The following DEPDC7 variants were observed in gnomAD, a reference collection of about 807,000 sequenced individuals.
The protein encoded by DEPDC7 is DEP domain containing 7.
In DEPDC7, 41 loss-of-function variants were observed where a neutral mutation model predicts 56.6. That is an observed-to-expected ratio of 0.72 (90% CI 0.56 to 0.94). DEPDC7 has a LOEUF of 0.94. Among genes scored for constraint, DEPDC7 ranks in the 40% least tolerant of loss-of-function variants. The pLI is 0.00. For missense variants in DEPDC7, 522 were observed against 596.3 expected (o/e 0.88, Z 1.30); for synonymous variants, 185 against 208.8 (o/e 0.89, Z 0.98).
intron 2 of DEPDC7, chr11:33,026,817 T>C (rs1362752299): frequency 4.0e-5 from 6 of 149,914 alleles, no homozygotes; most frequent in Admixed American, 4.0e-4. Flanking sequence ...GGAGACGGAA[T>C]CCCATTATGG....
At chr11:33,016,607 A>G (rs1279400638) in intron 1 of DEPDC7, 1 of 1,611,216 alleles carries the variant, frequency 6.2e-7, no homozygotes, top group African/African-American at 1.3e-5. Flanking sequence ...CACTTTATGT[A>G]TAAGCAGTAT....
At chr11:33,031,675 T>A in intron 5 of DEPDC7, 86 bp downstream of exon 5, 1 of 1,034,244 alleles carries the variant, frequency 9.7e-7, no homozygotes, top group Non-Finnish European at 1.5e-6. Flanking sequence ...AGAATAGTAC[T>A]ACTACAAGCT....
At chr11:33,027,168 A>G (rs556890942) in intron 2 of DEPDC7, among the ~76,000 whole-genome samples, 1 of 152,314 alleles carries the variant, frequency 6.6e-6, no homozygotes, top group Admixed American at 6.5e-5. Flanking sequence ...GCATCTGGTA[A>G]TCAAGCATAA....
Position 33,033,532 on chromosome 11 carries a change from C to G in DEPDC7, c.*77C>G. 9.1e-7 allele frequency: 1 copy of G among 1,102,728 alleles called. No homozygotes were observed. Among genetic ancestry groups the G allele is most frequent in the Non-Finnish European group, 1.3e-6 (1 of 790,878 alleles). The allele number at this position is 1,102,728 out of a possible 1,614,324, so 68.3% of individuals were successfully genotyped here. ...CTAAATATCCAATCACATTTGTAAG[C>G]GTGGAAGCTCTAAATTTGAAACTGT... On this transcript the variant is annotated 3_prime_UTR_variant, in exon 9 of 9. Coordinates refer to ENST00000241051, the MANE Select transcript of DEPDC7 (RefSeq NM_001077242.2).
At chr11:33,016,104 G>A (rs1344231012) in intron 1 of DEPDC7, 76 bp downstream of exon 1, 21 of 1,261,236 alleles carry the variant, frequency 1.7e-5, no homozygotes, top group Non-Finnish European at 2.0e-5. Flanking sequence ...GCGCGGGGCG[G>A]GCGGCGTGGG....
intron 1 of DEPDC7, among the ~76,000 whole-genome samples, chr11:33,020,334 G>T: frequency 6.6e-6 from 1 of 152,072 alleles, no homozygotes; most frequent in Non-Finnish European, 1.5e-5. Context: ...GTTTTTTATG[G>T]TAGAGTTCAA....
chr11:33,028,325 T>C, intron 3 of DEPDC7: 2 of 298,290 alleles, frequency 6.7e-6, no homozygotes, highest in Non-Finnish European at 1.2e-5. Flanking sequence ...TCCAGAGTCC[T>C]TATTAACATG....
chr11:33,032,671 G>A lies in DEPDC7; in HGVS notation c.1141G>A (p.Asp381Asn). 1 of 1,572,396 alleles carries A rather than the reference G, an allele frequency of 6.4e-7. No homozygotes were observed. Among genetic ancestry groups the A allele is most frequent in the Non-Finnish European group, 8.6e-7 (1 of 1,160,246 alleles). Residue 381 changes from aspartate (D) to asparagine (N), a missense_variant, in exon 7 of 9, where the codon GAC becomes AAC. Physicochemically the swap from Asp to Asn is conservative, Grantham distance 23. Transcript: ENST00000241051. The part of the protein sequence containing the change: ...PSEFKLQKES[D>N]NRMVVKRIFS... ...TATATTTGTTTTATTTTTATAGAGT[G>A]ACAACCGAATGGTTGTGAAAAGGAT...
At chr11:33,031,021 T>TAG in intron 4 of DEPDC7, among the ~76,000 whole-genome samples, 1 of 152,264 alleles carries the variant, frequency 6.6e-6, no homozygotes, top group East Asian at 1.9e-4. Flanking sequence ...ATCTGAGATC[T>TAG]AGTCCTGCCT....
intron 1 of DEPDC7, among the ~76,000 whole-genome samples, chr11:33,023,982 C>G (rs1853548837): frequency 1.3e-5 from 2 of 152,074 alleles, no homozygotes; most frequent in African/African-American, 2.4e-5. Flanking sequence ...AAGTAATATA[C>G]TTAACATAAA....
At position 33,033,539 on chromosome 11, in the gene DEPDC7, G is replaced by A. The variant is rs374578661; in HGVS notation, c.*84G>A. 2.7e-5 allele frequency: 28 copies of A among 1,052,656 alleles called. No individual in the cohort carries two copies. The African/African-American group carries it at 4.1e-4, about 15-fold the overall frequency. The allele number at this position is 1,052,656 out of a possible 1,614,324, so 65.2% of individuals were successfully genotyped here. On this transcript the variant is annotated 3_prime_UTR_variant, in exon 9 of 9. Coordinates refer to ENST00000241051, the MANE Select transcript of DEPDC7 (RefSeq NM_001077242.2). ...TCCAATCACATTTGTAAGCGTGGAA[G>A]CTCTAAATTTGAAACTGTACTTAAT...
intron 1 of DEPDC7, among the ~76,000 whole-genome samples, chr11:33,021,364 G>T (rs1188627495): frequency 6.6e-6 from 1 of 152,078 alleles, no homozygotes; most frequent in African/African-American, 2.4e-5. Flanking sequence ...GAGGTTTGAG[G>T]ACAAGCTGAA....
In DEPDC7 at chr11:33,031,475, C is replaced by T. The variant is rs758827834; in HGVS notation, c.880C>T (p.Arg294Ter). The T allele has an allele frequency of 7.4e-6, 12 of 1,613,994 alleles. No individual in the cohort carries two copies. Among genetic ancestry groups the T allele is most frequent in the African/African-American group, 1.3e-5 (1 of 74,912 alleles). Residue 294 changes from arginine to a stop codon, truncating the protein, a stop_gained, in exon 5 of 9, where the codon CGA becomes TGA. Coordinates refer to ENST00000241051, the MANE Select transcript of DEPDC7 (RefSeq NM_001077242.2). LOFTEE classifies it high-confidence loss of function. ...ISRSFPEQPDRTDLVKELLFD... is the reference protein window; with the variant it reads ...ISRSFPEQPD Reference sequence around the variant, plus strand: ...CAGAAGCTTTCCTGAGCAACCAGACCGAACAGACTTAGTGAAAGAACTTCT... The same window carrying T: ...CAGAAGCTTTCCTGAGCAACCAGACTGAACAGACTTAGTGAAAGAACTTCT...
intron 1 of DEPDC7, among the ~76,000 whole-genome samples, chr11:33,024,506 G>A (rs1853556890): frequency 6.7e-6 from 1 of 149,442 alleles, no homozygotes; most frequent in Admixed American, 6.7e-5. Flanking sequence ...TGTATTGTCA[G>A]GTGATTTCAT....
intron 1 of DEPDC7, 51 bp downstream of exon 1, chr11:33,016,079 G>C: frequency 1.5e-6 from 2 of 1,374,106 alleles, no homozygotes; most frequent in African/African-American, 1.5e-5. Flanking sequence ...GCTGGGGTGC[G>C]CGGGCTGGGT....
chr11:33,028,483 T>G (rs1853600480), intron 3 of DEPDC7, 120 bp from the exon 4 acceptor site: 1 of 738,368 alleles, frequency 1.4e-6, no homozygotes, highest in African/African-American at 1.8e-5. Context: ...TTCGTAAGGT[T>G]GACTTTTTCT....
chr11:33,017,557 G>A (rs1222481842), intron 1 of DEPDC7, among the ~76,000 whole-genome samples: 2 of 152,282 alleles, frequency 1.3e-5, no homozygotes, highest in African/African-American at 4.8e-5. Context: ...AGAGGGGCCC[G>A]CTGTTGTTCT....
At chr11:33,017,287 G>T (rs1204133478) in intron 1 of DEPDC7, among the ~76,000 whole-genome samples, 1 of 152,200 alleles carries the variant, frequency 6.6e-6, no homozygotes, top group Non-Finnish European at 1.5e-5. Context: ...AAACAGTCTT[G>T]AGAAATCTTT....
At chr11:33,033,033 T>G (rs930225738) in intron 8 of DEPDC7, 66 bp downstream of exon 8, 2 of 1,325,532 alleles carry the variant, frequency 1.5e-6, no homozygotes, top group East Asian at 4.7e-5. Flanking sequence ...TTGAAAATGT[T>G]TTGCTATAAG....
Sources: allele counts gnomAD v4.1 joint callset (sites outside exome capture counted in the v4.1 genomes callset), GRCh38; gene constraint gnomAD v4.1.1; transcripts MANE v1.5; gene names NCBI Gene and HGNC (gene_info 2026-07-23, HGNC 2026-07-21).